MARK2: variants seen among roughly 807,000 people sequenced by gnomAD.
MARK2 encodes microtubule affinity regulating kinase 2.
In MARK2, 16 loss-of-function variants were observed where a neutral mutation model predicts 89.8. The observed-to-expected ratio is 0.18, with a 90% CI of 0.12 to 0.27. MARK2 has a LOEUF of 0.27. Among genes scored for constraint, MARK2 ranks in the 10% least tolerant of loss-of-function variants. The pLI is 1.00. For synonymous variants in MARK2, 382 were observed against 399.5 expected (o/e 0.96, Z 0.52); for missense variants, 621 against 1,049.9 (o/e 0.59, Z 5.65).
intron 1 of MARK2, among the ~76,000 whole-genome samples, chr11:63,849,580 C>T (rs887084440): frequency 6.6e-6 from 1 of 152,148 alleles, no homozygotes; most frequent in Non-Finnish European, 1.5e-5. Context: ...TGGTAAAACC[C>T]TATCTCAACT....
chr11:63,909,627 T>C lies in MARK2; in HGVS notation c.*390T>C, dbSNP rs761213020. The C allele has an allele frequency of 2.8e-4, 44 of 158,664 alleles. No homozygotes were observed. The highest frequency in any genetic ancestry group is 5.1e-4 in the Non-Finnish European group (37 of 72,302). The allele number at this position is 158,664 out of a possible 1,614,324, so 9.8% of individuals were successfully genotyped here. ...GCGGCCACCTTTCCTCCCTGCCCCA[T>C]TGGGACAGTCGAGACTGGATCTGTG... On this transcript the variant is annotated 3_prime_UTR_variant, in exon 19 of 19. Transcript: ENST00000402010.
Position 63,903,089 on chromosome 11 carries a change from G to C in MARK2, c.1445G>C (p.Arg482Pro). ...AGCGTCCTCTCCACCAGCACAAATC[G>C]AAGCAGGAATTCCCCACTTTTGGAG... ...TNSVLSTSTN[R>P]SRNSPLLERA... The change falls in exon 14 of 19, where the codon CGA becomes CCA. Residue 482 changes from arginine to proline, a missense_variant. Physicochemically the swap from Arg to Pro is moderately radical, Grantham distance 103. This residue lies in a region of MARK2 where 397 missense variants were observed against 567.8 expected (regional missense o/e 0.70). Transcript: ENST00000402010. The surrounding 1 kb of genome is among the most constrained non-coding windows in gnomAD (Gnocchi z 5.1). The C allele has an allele frequency of 6.2e-7, 1 of 1,614,026 alleles. No homozygotes were observed. The highest frequency in any genetic ancestry group is 1.7e-4 in the Middle Eastern group (1 of 6,058).
intron 1 of MARK2, chr11:63,869,128 G>A (rs1938302593): frequency 3.1e-6 from 1 of 325,050 alleles, no homozygotes; most frequent in Non-Finnish European, 6.1e-6. Flanking sequence ...TTGAACTGGT[G>A]AAGAAGGCAC....
chr11:63,878,359 CTTTTTTTTT>C (rs59251368), intron 1 of MARK2, among the ~76,000 whole-genome samples: 1 of 72,712 alleles, frequency 1.4e-5, no homozygotes, highest in East Asian at 5.1e-4. Context: ...TTGTTCAAGT[CTTTTTTTTT>C]TTTTTTTTTT....
At position 63,902,883 on chromosome 11, in the gene MARK2, C is replaced by A; in HGVS notation, c.1416+101C>A. On this transcript the variant is annotated intron_variant, in intron 13 of 18. Transcript: ENST00000402010. The surrounding 1 kb of genome is among the most constrained non-coding windows in gnomAD (Gnocchi z 4.2). ...CAGACTCTGTTCCCTTTGGCTACTA[C>A]TTCTGCTTATAGCAGGAAGCCTCGC... 1 of 1,155,306 alleles carries A rather than the reference C, an allele frequency of 8.7e-7. No individual in the cohort carries two copies. The highest frequency in any genetic ancestry group is 1.3e-6 in the Non-Finnish European group (1 of 789,450). The allele number at this position is 1,155,306 out of a possible 1,614,324, so 71.6% of individuals were successfully genotyped here.
chr11:63,854,571 AC>A (rs915954511), intron 1 of MARK2, among the ~76,000 whole-genome samples: 3 of 151,708 alleles, frequency 2.0e-5, no homozygotes, highest in African/African-American at 7.3e-5. Flanking sequence ...ATAGTGACTC[AC>A]GCCTGTAATC....
At chr11:63,866,838 CTG>C (rs1422600540) in intron 1 of MARK2, among the ~76,000 whole-genome samples, 1 of 152,196 alleles carries the variant, frequency 6.6e-6, no homozygotes, top group African/African-American at 2.4e-5. Flanking sequence ...TAACAGAAGA[CTG>C]GGGCCTTAAT....
chr11:63,850,920 T>A (rs2016543887), intron 1 of MARK2, among the ~76,000 whole-genome samples: 1 of 152,312 alleles, frequency 6.6e-6, no homozygotes, highest in East Asian at 1.9e-4. Flanking sequence ...CGCATTGGCC[T>A]CCCCAAGTGC....
At chr11:63,901,127 T>A in intron 11 of MARK2, 58 bp downstream of exon 11, 3 of 1,105,350 alleles carry the variant, frequency 2.7e-6, no homozygotes, top group Non-Finnish European at 4.2e-6. Flanking sequence ...GTAGCACCTA[T>A]GCTTCTAACA....
In MARK2 at chr11:63,856,665, C is replaced by T. The variant is rs543794340; in HGVS notation, c.54+17105C>T. Among the ~76,000 whole-genome samples the T allele has an allele frequency of 8.6e-5, 13 of 151,710 alleles. No individual in the cohort carries two copies. In the East Asian group the frequency reaches 1.7e-3, roughly 20 times the overall value. ...TCTCGAACTCCTGGCCTAAGTGATC[C>T]GCCAACCTCGGCCTCCCAAAGAGCT... On this transcript the variant is annotated intron_variant, in intron 1 of 18. Coordinates refer to ENST00000402010, the MANE Select transcript of MARK2 (RefSeq NM_001039469.3).
Position 63,904,533 on chromosome 11 carries a change from G to C in MARK2, c.1677-253G>C, listed in dbSNP as rs1941168979. On this transcript the variant is annotated intron_variant, in intron 15 of 18. Coordinates refer to ENST00000402010, the MANE Select transcript of MARK2 (RefSeq NM_001039469.3). The surrounding 1 kb of genome is among the most constrained non-coding windows in gnomAD (Gnocchi z 6.3). ...GCTCCCAGGGAGCCCGCTGTCTCCA[G>C]CCTAAACCACACTCCACACAGGGGT... Among the ~76,000 whole-genome samples the C allele has an allele frequency of 6.6e-6, 1 of 152,034 alleles. No homozygotes were observed. Among genetic ancestry groups the C allele is most frequent in the South Asian group, 2.1e-4 (1 of 4,830 alleles).
intron 1 of MARK2, among the ~76,000 whole-genome samples, chr11:63,878,987 C>T (rs1045128379): frequency 6.6e-6 from 1 of 152,114 alleles, no homozygotes; most frequent in African/African-American, 2.4e-5. Context: ...AACAGATTTG[C>T]ATTTGCCTGT....
intron 1 of MARK2, among the ~76,000 whole-genome samples, chr11:63,892,044 T>C (rs1294823860): frequency 1.3e-5 from 2 of 152,166 alleles, no homozygotes; most frequent in East Asian, 3.8e-4. Context: ...CAGGCTTAGG[T>C]GAGCTACAGG....
chr11:63,854,947 TGAAA>T (rs1270125296), intron 1 of MARK2, among the ~76,000 whole-genome samples: 1 of 152,104 alleles, frequency 6.6e-6, no homozygotes, highest in Non-Finnish European at 1.5e-5. Flanking sequence ...AATTTTTTCT[TGAAA>T]GAACAACTGA....
At position 63,860,861 on chromosome 11, in the gene MARK2, G is replaced by GA. The variant is rs770957452; in HGVS notation, c.54+21312dup. 4.5e-3 allele frequency among the ~76,000 whole-genome samples: 643 copies of GA among 141,732 alleles called. 1 individual carries two copies. Among genetic ancestry groups the GA allele is most frequent in the Middle Eastern group, 7.1e-3 (2 of 280 alleles). 93.0% of individuals were successfully genotyped at this position (141,732 alleles called of 152,430 possible). On this transcript the variant is annotated intron_variant, in intron 1 of 18. Transcript: ENST00000402010. Reference sequence around the variant, plus strand: ...TGACCGAGTGAGACTCCATCTCAATGAAAAAAAAAAACAAAAACAAAAACT... The same window carrying GA: ...TGACCGAGTGAGACTCCATCTCAATGAAAAAAAAAAAACAAAAACAAAAACT...
chr11:63,887,094 C>A (rs1184542780), intron 1 of MARK2, among the ~76,000 whole-genome samples: 1 of 152,240 alleles, frequency 6.6e-6, no homozygotes, highest in African/African-American at 2.4e-5. Context: ...TGGCCTGAAT[C>A]AAACATTGTC....
At chr11:63,856,258 C>G (rs778929514) in intron 1 of MARK2, among the ~76,000 whole-genome samples, 18 of 147,500 alleles carry the variant, frequency 1.2e-4, no homozygotes, top group Non-Finnish European at 2.2e-4. Flanking sequence ...GGACTTTGAC[C>G]AAAGATAACT....
intron 1 of MARK2, among the ~76,000 whole-genome samples, chr11:63,879,179 C>T (rs547559156): frequency 6.6e-6 from 1 of 152,020 alleles, no homozygotes; most frequent in African/African-American, 2.4e-5. Context: ...TGGTGGTGAG[C>T]GCCTGTACTC....
chr11:63,850,315 A>ATTTTTTTTTTTTTTTTTTT (rs34074167), intron 1 of MARK2, among the ~76,000 whole-genome samples: 5 of 95,756 alleles, frequency 5.2e-5, no homozygotes, highest in South Asian at 3.8e-4. Context: ...TACCTGGCTA[A>ATTTTTTTTTTTTTTTTTTT]TTTTTTTTTT....
Sources: gnomAD v4.1 joint callset for allele counts (sites outside exome capture counted in the v4.1 genomes callset) on GRCh38, gnomAD v4.1.1 for gene constraint, gnomAD v4.1.1 regional missense constraint, Gnocchi (gnomAD v3.1) non-coding constraint, MANE v1.5 for transcripts, NCBI Gene and HGNC (gene_info 2026-07-23, HGNC 2026-07-21) for gene names.